TRABD2B: variants seen among roughly 807,000 people sequenced by gnomAD.
TRABD2B encodes the protein metalloprotease TIKI2.
Under a neutral mutation model 40.1 loss-of-function variants are expected in TRABD2B, and 14 were observed. The observed-to-expected ratio is 0.35, with a 90% confidence interval of 0.23 to 0.55. TRABD2B has a LOEUF of 0.55. TRABD2B is among the 20% of genes least tolerant of loss of function. TRABD2B has a pLI of 0.90. For missense variants in TRABD2B, 541 were observed against 648.6 expected, an observed-to-expected ratio of 0.83 and a Z score of 1.80; for synonymous variants, 263 against 277.0, an observed-to-expected ratio of 0.95 and a Z score of 0.50.
rs183411234 is a variant in TRABD2B at position 47,958,872 on chromosome 1, T to C, written c.666+35162A>G. ...CTGCACCAACCGGACCTAATAGACC[T>C]CTACAGAACTCTCAACCCCAAATCA... On this transcript the variant is annotated intron_variant, in intron 2 of 6. Coordinates refer to ENST00000606738, the MANE Select transcript of TRABD2B (RefSeq NM_001194986.2). 3.3e-5 allele frequency among the ~76,000 whole-genome samples: 5 copies of C among 152,288 alleles called. No individual in the cohort carries two copies. In the East Asian group the frequency reaches 9.6e-4, roughly 29 times the overall value.
intron 4 of TRABD2B, among the ~76,000 whole-genome samples, chr1:47,780,782 G>A (rs1644510898): frequency 6.6e-6 from 1 of 152,202 alleles, no homozygotes; most frequent in African/African-American, 2.4e-5. Context: ...TGCAGAAGAG[G>A]CATGGGCAGC....
chr1:47,771,383 T>G (rs1365848124), intron 6 of TRABD2B, among the ~76,000 whole-genome samples: 1 of 152,194 alleles, frequency 6.6e-6, no homozygotes, highest in Non-Finnish European at 1.5e-5. Context: ...CCCACCTCTG[T>G]GCCCTGCTTT....
At chr1:47,991,818 T>C (rs1039652304) in intron 2 of TRABD2B, among the ~76,000 whole-genome samples, 1 of 152,220 alleles carries the variant, frequency 6.6e-6, no homozygotes, top group Admixed American at 6.5e-5. Flanking sequence ...TTCAGTGCAC[T>C]AATGCATCAC....
At chr1:47,842,331 G>A (rs920434282) in intron 2 of TRABD2B, among the ~76,000 whole-genome samples, 2 of 152,130 alleles carry the variant, frequency 1.3e-5, no homozygotes, top group Admixed American at 6.5e-5. Context: ...ACCACCCCCA[G>A]GGCTCAGGGG....
intron 2 of TRABD2B, among the ~76,000 whole-genome samples, chr1:47,947,891 A>G (rs1645282480): frequency 6.6e-6 from 1 of 152,130 alleles, no homozygotes; most frequent in Non-Finnish European, 1.5e-5. Flanking sequence ...ACTATACACA[A>G]CCTATCAGAA....
intron 2 of TRABD2B, among the ~76,000 whole-genome samples, chr1:47,991,053 G>T (rs185234331): frequency 6.6e-6 from 1 of 151,784 alleles, no homozygotes. Context: ...AGAAACAGAA[G>T]AAAGAACTAA....
intron 2 of TRABD2B, among the ~76,000 whole-genome samples, chr1:47,969,385 C>T (rs1396991634): frequency 6.6e-6 from 1 of 152,190 alleles, no homozygotes; most frequent in East Asian, 1.9e-4. Context: ...CCTCCAAGAT[C>T]TTCATGCCGT....
chr1:47,987,808 G>A (rs1303292138), intron 2 of TRABD2B, among the ~76,000 whole-genome samples: 2 of 152,176 alleles, frequency 1.3e-5, no homozygotes, highest in African/African-American at 2.4e-5. Context: ...GCTCTGTGGG[G>A]GAGACACAGC....
At chr1:47,983,290 G>C (rs1645867804) in intron 2 of TRABD2B, among the ~76,000 whole-genome samples, 1 of 152,114 alleles carries the variant, frequency 6.6e-6, no homozygotes, top group African/African-American at 2.4e-5. Context: ...CAAGAACTCA[G>C]GAACACAAAG....
chr1:47,903,437 G>A (rs866877268), intron 2 of TRABD2B, among the ~76,000 whole-genome samples: 1 of 152,106 alleles, frequency 6.6e-6, no homozygotes, highest in Middle Eastern at 3.4e-3. Context: ...TAAGAAAAAC[G>A]GTTGGGAATC....
chr1:47,835,548 T>C (rs1387823893), intron 2 of TRABD2B, among the ~76,000 whole-genome samples: 1 of 152,170 alleles, frequency 6.6e-6, no homozygotes, highest in East Asian at 1.9e-4. Flanking sequence ...AACTGAACCA[T>C]CATACAGCTC....
At chr1:47,863,902 C>T (rs1453361389) in intron 2 of TRABD2B, among the ~76,000 whole-genome samples, 2 of 152,126 alleles carry the variant, frequency 1.3e-5, no homozygotes, top group Admixed American at 6.5e-5. Context: ...AGCCAATGGA[C>T]TATTACACAG....
intron 2 of TRABD2B, among the ~76,000 whole-genome samples, chr1:47,879,104 CAAA>C (rs5773970): frequency 2.4e-5 from 3 of 127,196 alleles, no homozygotes; most frequent in Admixed American, 8.1e-5. Flanking sequence ...GACCTTGTCT[CAAA>C]AAAAAAAAAA....
intron 2 of TRABD2B, among the ~76,000 whole-genome samples, chr1:47,990,495 G>A (rs922558967): frequency 2.0e-5 from 3 of 152,058 alleles, no homozygotes; most frequent in African/African-American, 7.2e-5. Flanking sequence ...GGGATGACGA[G>A]TGGATATGGC....
intron 2 of TRABD2B, among the ~76,000 whole-genome samples, chr1:47,907,104 C>T (rs968919184): frequency 6.6e-6 from 1 of 152,216 alleles, no homozygotes; most frequent in African/African-American, 2.4e-5. Context: ...ATAACACACA[C>T]TTTCCAGGCA....
At chr1:47,874,690 C>T (rs866079923) in intron 2 of TRABD2B, among the ~76,000 whole-genome samples, 2 of 151,694 alleles carry the variant, frequency 1.3e-5, no homozygotes, top group South Asian at 2.1e-4. Context: ...ACCTCAGCCT[C>T]CTGAGTAGTT....
chr1:47,890,829 C>T (rs139399482), intron 2 of TRABD2B, among the ~76,000 whole-genome samples: 15 of 152,332 alleles, frequency 9.8e-5, no homozygotes, highest in African/African-American at 2.9e-4. Context: ...GCAACAGCTT[C>T]GAAAGAAATC....
intron 2 of TRABD2B, among the ~76,000 whole-genome samples, chr1:47,992,182 G>A (rs1007043785): frequency 1.3e-5 from 2 of 152,186 alleles, no homozygotes; most frequent in African/African-American, 4.8e-5. Flanking sequence ...GGCTGGTGAT[G>A]GGTTGGGCAC....
chr1:47,893,448 A>G (rs1416588892), intron 2 of TRABD2B, among the ~76,000 whole-genome samples: 1 of 152,188 alleles, frequency 6.6e-6, no homozygotes, highest in East Asian at 1.9e-4. Flanking sequence ...TGTTGAACAA[A>G]TAAGAGCCTC....
Sources: allele counts gnomAD v4.1 joint callset (sites outside exome capture counted in the v4.1 genomes callset), GRCh38; gene constraint gnomAD v4.1.1; transcripts MANE v1.5; gene names NCBI Gene and HGNC (gene_info 2026-07-23, HGNC 2026-07-21).